The following GALNT2 variants were observed in gnomAD, a reference collection of about 807,000 sequenced individuals.
GALNT2 encodes the protein polypeptide N-acetylgalactosaminyltransferase 2.
Under a neutral mutation model 81.4 loss-of-function variants are expected in GALNT2, and 31 were observed. The ratio of observed to expected loss-of-function variants is 0.38; its 90% CI spans 0.29 to 0.51. GALNT2 has a LOEUF of 0.51. GALNT2 is among the 20% of genes least tolerant of loss of function. GALNT2 has a pLI of 0.87. For missense variants in GALNT2, 629 were observed against 765.7 expected, an observed-to-expected ratio of 0.82 and a Z score of 2.11; for synonymous variants, 303 against 287.4, an observed-to-expected ratio of 1.05 and a Z score of -0.55.
intron 3 of GALNT2, among the ~76,000 whole-genome samples, chr1:230,215,177 G>T (rs897886838): frequency 3.9e-5 from 6 of 152,246 alleles, no homozygotes; most frequent in Non-Finnish European, 8.8e-5. Flanking sequence ...CGACCTGGAA[G>T]TCTGGGATAT....
At chr1:230,087,698 C>T (rs1454492103) in intron 1 of GALNT2, among the ~76,000 whole-genome samples, 1 of 152,218 alleles carries the variant, frequency 6.6e-6, no homozygotes, top group Non-Finnish European at 1.5e-5. Context: ...CGCTGAGAGT[C>T]TCCATCTTTT....
intron 1 of GALNT2, chr1:230,058,115 TTAAGTCTGGGGC>T (rs1658958668): frequency 2.2e-6 from 1 of 456,106 alleles, no homozygotes; most frequent in African/African-American, 2.0e-5. Context: ...ACGTATGTCC[TTAAGTCTGGGGC>T]TATGGGGGCG....
At chr1:230,101,700 G>C (rs1466076713) in intron 1 of GALNT2, among the ~76,000 whole-genome samples, 1 of 152,238 alleles carries the variant, frequency 6.6e-6, no homozygotes, top group Non-Finnish European at 1.5e-5. Flanking sequence ...AAGTGGAACT[G>C]TGTGTTCTGT....
chr1:230,196,965 A>G (rs946160143), intron 2 of GALNT2, among the ~76,000 whole-genome samples: 2 of 152,130 alleles, frequency 1.3e-5, no homozygotes, highest in Admixed American at 6.5e-5. Flanking sequence ...CTAGGGACCT[A>G]ACTGATCATG....
At chr1:230,084,373 G>C (rs113482212) in intron 1 of GALNT2, among the ~76,000 whole-genome samples, 2,657 of 152,336 alleles carry the variant, frequency 0.017, 78 homozygotes, top group African/African-American at 0.059. Context: ...GCAGAAGGCT[G>C]TCTGGGCTTG....
At chr1:230,224,856 A>G (rs1314056440) in intron 3 of GALNT2, among the ~76,000 whole-genome samples, 1 of 152,198 alleles carries the variant, frequency 6.6e-6, no homozygotes, top group African/African-American at 2.4e-5. Context: ...GAGGATAAAC[A>G]TTTTGTTTTA....
At chr1:230,109,163 C>T (rs1660628393) in intron 1 of GALNT2, among the ~76,000 whole-genome samples, 1 of 152,230 alleles carries the variant, frequency 6.6e-6, no homozygotes, top group Non-Finnish European at 1.5e-5. Flanking sequence ...AAGGCTCTGC[C>T]CTCTGATGGG....
intron 1 of GALNT2, among the ~76,000 whole-genome samples, chr1:230,154,343 G>C (rs532799564): frequency 2.6e-5 from 4 of 152,176 alleles, no homozygotes; most frequent in Admixed American, 6.5e-5. Flanking sequence ...GGCTTTCCCC[G>C]AGTTGGTACA....
chr1:230,249,191 T>C lies in GALNT2; in HGVS notation c.825T>C (p.Asp275=), dbSNP rs3748006. 136,325 of 1,613,822 alleles carry C rather than the reference T, an allele frequency of 0.084. 15,358 individuals are homozygous for C. Among genetic ancestry groups the C allele is most frequent in the East Asian group, 0.57 (25,431 of 44,820 alleles). The change falls in exon 9 of 16, where the codon GAT becomes GAC. Residue 275 remains aspartate, a synonymous_variant. Transcript: ENST00000366672. The part of the protein sequence containing the change: ...GASADLKGGF[D]WNLVFKWDYM... ...TCTTTTCCTGGCTGGCAGGTTTTGA[T>C]TGGAACTTGGTATTCAAGTGGGATT...
intron 1 of GALNT2, among the ~76,000 whole-genome samples, chr1:230,136,131 TAGTC>T (rs1422341055): frequency 6.6e-6 from 1 of 152,188 alleles, no homozygotes; most frequent in Non-Finnish European, 1.5e-5. Context: ...AGGAGGCACT[TAGTC>T]AGCGTCACCT....
At chr1:230,272,723 G>A (rs1303610435) in intron 14 of GALNT2, among the ~76,000 whole-genome samples, 2 of 152,160 alleles carry the variant, frequency 1.3e-5, no homozygotes, top group Non-Finnish European at 2.9e-5. Flanking sequence ...TATAAGGTCT[G>A]AATGCTAGAA....
chr1:230,186,588 T>C (rs1009735114), intron 2 of GALNT2, among the ~76,000 whole-genome samples: 1 of 152,182 alleles, frequency 6.6e-6, no homozygotes, highest in Admixed American at 6.5e-5. Flanking sequence ...AACATACAAG[T>C]GTTCTGATGG....
chr1:230,255,456 A>G, intron 11 of GALNT2, 112 bp downstream of exon 11: 3 of 1,361,666 alleles, frequency 2.2e-6, no homozygotes, highest in Non-Finnish European at 3.1e-6. Flanking sequence ...TGGTGCATTT[A>G]TACAATGGAA....
chr1:230,192,254 A>G (rs1026282207), intron 2 of GALNT2, among the ~76,000 whole-genome samples: 13 of 152,240 alleles, frequency 8.5e-5, no homozygotes, highest in African/African-American at 2.9e-4. Context: ...TTGTGGTTCC[A>G]TCGTCTTACA....
intron 6 of GALNT2, 143 bp downstream of exon 6, chr1:230,236,868 TC>T: frequency 1.5e-6 from 1 of 677,282 alleles, no homozygotes; most frequent in Non-Finnish European, 2.4e-6. Flanking sequence ...GGGAGACTTC[TC>T]CCAGCAAACA....
chr1:230,195,989 C>T (rs1478625924), intron 2 of GALNT2, among the ~76,000 whole-genome samples: 4 of 152,208 alleles, frequency 2.6e-5, no homozygotes, highest in South Asian at 4.1e-4. Flanking sequence ...TCGTCAGCCT[C>T]CTCACTTTCG....
intron 3 of GALNT2, among the ~76,000 whole-genome samples, chr1:230,212,624 G>A (rs1171855714): frequency 2.0e-5 from 3 of 152,072 alleles, no homozygotes; most frequent in Non-Finnish European, 4.4e-5. Context: ...ACGAGATGTG[G>A]GGAGTGGGAA....
intron 1 of GALNT2, among the ~76,000 whole-genome samples, chr1:230,106,043 G>A (rs1047395741): frequency 1.3e-5 from 2 of 152,242 alleles, no homozygotes; most frequent in Admixed American, 1.3e-4. Context: ...CTTCTTAGAA[G>A]CAGGTCTTGT....
At chr1:230,147,389 G>A (rs932016699) in intron 1 of GALNT2, among the ~76,000 whole-genome samples, 1 of 152,180 alleles carries the variant, frequency 6.6e-6, no homozygotes. Context: ...TGGGGTTAAG[G>A]TGTGGGTTTG....
Sources: gnomAD v4.1 joint callset for allele counts (sites outside exome capture counted in the v4.1 genomes callset) on GRCh38, gnomAD v4.1.1 for gene constraint, MANE v1.5 for transcripts, NCBI Gene and HGNC (gene_info 2026-07-23, HGNC 2026-07-21) for gene names.